Variants in ANKRD54 observed in about 807,000 individuals in gnomAD.
ANKRD54 encodes the protein ankyrin repeat domain-containing protein 54.
In ANKRD54, 26 loss-of-function variants were observed where a neutral mutation model predicts 36.2. That is an observed-to-expected ratio of 0.72 (90% CI 0.53 to 1.00). The LOEUF (loss-of-function observed/expected upper bound fraction) is 1.00, where lower values mean the gene tolerates loss of function less well. Ranked by LOEUF, ANKRD54 falls within the 50% of genes least tolerant of loss-of-function variation. ANKRD54 has a pLI of 0.00. For synonymous variants in ANKRD54, 209 were observed against 188.4 expected (o/e 1.11, Z -0.89); for missense variants, 384 against 424.3 (o/e 0.91, Z 0.83).
Position 37,833,299 on chromosome 22 carries a change from G to A in ANKRD54, c.548-93C>T, listed in dbSNP as rs138041109. 5,484 of 1,505,876 alleles carry A rather than the reference G, an allele frequency of 3.6e-3. 23 individuals carry two copies. Among genetic ancestry groups the A allele is most frequent in the Non-Finnish European group, 4.6e-3 (5,000 of 1,098,742 alleles). The allele number at this position is 1,505,876 out of a possible 1,614,324, so 93.3% of individuals were successfully genotyped here. A position where few individuals can be genotyped will look rare whatever the true frequency, so the allele number is the denominator to read the frequency against. ...GGGAGCAGGGCTGTGTCTCCCAGAC[G>A]CCTGTGCCAAGTTATGCCTACTGAG... is the stretch of plus-strand genomic sequence containing the variant. On this transcript the variant is annotated intron_variant, in intron 4 of 7. Transcript: ENST00000215941.
chr22:37,841,936 T>C (rs959621988), intron 1 of ANKRD54, among the ~76,000 whole-genome samples: 10 of 150,964 alleles, frequency 6.6e-5, no homozygotes, highest in African/African-American at 2.4e-4. Context: ...TGGTGGTGCA[T>C]GCCTGTAATC....
chr22:37,836,123 C>T lies in ANKRD54; in HGVS notation c.476-2368G>A, dbSNP rs558481883. Among the ~76,000 whole-genome samples, 569 of 150,076 alleles carry T rather than the reference C, an allele frequency of 3.8e-3. 1 individual carries two copies. Among genetic ancestry groups the T allele is most frequent in the African/African-American group, 0.013 (540 of 41,060 alleles). ...TGCTGGGATTACAGGCGTGAGATAC[C>T]GCGCCCAGGCAAAACTTGTTTTTAA... is the stretch of plus-strand genomic sequence containing the variant. On this transcript the variant is annotated intron_variant, in intron 3 of 7. Transcript: ENST00000215941.
intron 4 of ANKRD54, among the ~76,000 whole-genome samples, chr22:37,833,429 T>C (rs1923149115): frequency 6.6e-6 from 1 of 152,178 alleles, no homozygotes; most frequent in African/African-American, 2.4e-5. Flanking sequence ...TGCCTCAGTG[T>C]GAGCCACAGT....
intron 2 of ANKRD54, among the ~76,000 whole-genome samples, chr22:37,839,155 G>C (rs148722688): frequency 2.6e-5 from 4 of 151,804 alleles, no homozygotes; most frequent in African/African-American, 9.7e-5. Flanking sequence ...GATTACAGGC[G>C]TGAGCCACCA....
upstream of ANKRD54, chr22:37,849,061 A>C (rs1322284057): frequency 2.3e-5 from 9 of 393,614 alleles, no homozygotes; most frequent in Non-Finnish European, 4.6e-6. Context: ...ATCTCGGCTC[A>C]CCGCAACCTC....
At chr22:37,832,580 G>T in intron 7 of ANKRD54, 57 bp downstream of exon 7, 1 of 1,520,766 alleles carries the variant, frequency 6.6e-7, no homozygotes, top group Non-Finnish European at 9.1e-7. Context: ...GGAGCAGGGT[G>T]GACTGGCCCT....
intron 2 of ANKRD54, 50 bp downstream of exon 2, chr22:37,840,137 C>T: frequency 6.2e-7 from 1 of 1,610,998 alleles, no homozygotes; most frequent in Non-Finnish European, 8.5e-7. Context: ...CCTTTTCCTT[C>T]CCCAACCAGC....
At chr22:37,838,805 G>A (rs8141365) in intron 2 of ANKRD54, among the ~76,000 whole-genome samples, 433 of 152,276 alleles carry the variant, frequency 2.8e-3, no homozygotes, top group African/African-American at 9.8e-3. Flanking sequence ...TGGATTCTGA[G>A]TGCTCAAACT....
upstream of ANKRD54, among the ~76,000 whole-genome samples, chr22:37,848,022 G>A (rs1391346669): frequency 6.6e-6 from 1 of 152,156 alleles, no homozygotes; most frequent in Non-Finnish European, 1.5e-5. Flanking sequence ...AAATCCCAGA[G>A]GTGGAGCGTG....
At chr22:37,840,138 C>G (rs375146500) in intron 2 of ANKRD54, 49 bp downstream of exon 2, 11 of 1,611,630 alleles carry the variant, frequency 6.8e-6, no homozygotes, top group Non-Finnish European at 7.6e-6. Flanking sequence ...CTTTTCCTTC[C>G]CCAACCAGCC....
rs1489699143 is a variant in ANKRD54, at chr22:37,844,223, C to T, written c.16G>A (p.Gly6Arg). The change falls in exon 1 of 8, where the codon GGG (glycine) becomes AGG (arginine). Residue 6 changes from glycine (G) to arginine (R), a missense_variant. Physicochemically the swap from Gly to Arg is moderately radical, Grantham distance 125. Coordinates refer to ENST00000215941, the MANE Select transcript of ANKRD54 (RefSeq NM_138797.4). ...GAGCGCGGCTCGTCGTCCGCGTCCC[C>T]GGCGGCGGCTGCCATGGCAACGGCT... MAAAA[G>R]DADDEPRSGH... 6.5e-7 allele frequency: 1 copy of T among 1,535,070 alleles called. No homozygotes were observed. The highest frequency in any genetic ancestry group is 2.6e-5 in the East Asian group (1 of 37,938).
intron 2 of ANKRD54, 72 bp downstream of exon 2, chr22:37,840,115 T>A: frequency 6.4e-7 from 1 of 1,574,182 alleles, no homozygotes; most frequent in Middle Eastern, 1.7e-4. Context: ...TTCCCACATA[T>A]TGATTACCTG....
chr22:37,843,401 C>T (rs1345272229), intron 1 of ANKRD54, among the ~76,000 whole-genome samples: 1 of 151,744 alleles, frequency 6.6e-6, no homozygotes. Flanking sequence ...CCAGCCTGGG[C>T]AACAGAGCGA....
At chr22:37,842,249 C>T (rs1012944109) in intron 1 of ANKRD54, among the ~76,000 whole-genome samples, 5 of 152,100 alleles carry the variant, frequency 3.3e-5, no homozygotes, top group South Asian at 2.1e-4. Flanking sequence ...GCGAGACTCT[C>T]GTCTCAAAAA....
intron 3 of ANKRD54, among the ~76,000 whole-genome samples, chr22:37,838,084 G>A (rs531891542): frequency 3.3e-5 from 5 of 151,958 alleles, no homozygotes; most frequent in African/African-American, 9.6e-5. Context: ...ACAGTGAACC[G>A]AGATGGCACC....
upstream of ANKRD54, among the ~76,000 whole-genome samples, chr22:37,845,417 A>C (rs1320048140): frequency 6.6e-6 from 1 of 152,140 alleles, no homozygotes; most frequent in Non-Finnish European, 1.5e-5. Flanking sequence ...CCCCACAAGC[A>C]CTTCTATAAA....
chr22:37,832,425 C>CA (rs1297882247), intron 7 of ANKRD54, among the ~76,000 whole-genome samples: 1 of 152,114 alleles, frequency 6.6e-6, no homozygotes, highest in Non-Finnish European at 1.5e-5. Flanking sequence ...AGTTCAGTGG[C>CA]AATCACAGCT....
intron 2 of ANKRD54, 28 bp downstream of exon 2, chr22:37,840,159 T>G: frequency 1.2e-6 from 2 of 1,613,902 alleles, no homozygotes; most frequent in Non-Finnish European, 1.7e-6. Flanking sequence ...CATGGGACCC[T>G]GTAGCTGGAC....
chr22:37,842,433 G>C (rs1924392903), intron 1 of ANKRD54, among the ~76,000 whole-genome samples: 1 of 152,316 alleles, frequency 6.6e-6, no homozygotes, highest in Non-Finnish European at 1.5e-5. Context: ...CTGGGCCTCA[G>C]GTCTATCATC....
Sources: gnomAD v4.1 joint callset for allele counts (sites outside exome capture counted in the v4.1 genomes callset) on GRCh38, gnomAD v4.1.1 for gene constraint, MANE v1.5 for transcripts, NCBI Gene and HGNC (gene_info 2026-07-23, HGNC 2026-07-21) for gene names.